NRXN1: variants seen among roughly 807,000 people sequenced by gnomAD.
NRXN1 encodes neurexin-1.
A neutral mutation model predicts 150.9 loss-of-function variants in NRXN1; 39 were observed. The ratio of observed to expected loss-of-function variants is 0.26; its 90% CI spans 0.20 to 0.34. NRXN1 has a LOEUF of 0.34. Among genes scored for constraint, NRXN1 ranks in the 10% least tolerant of loss-of-function variants. NRXN1 has a pLI of 1.00. For missense variants in NRXN1, 1,815 were observed against 1,949.9 expected, an observed-to-expected ratio of 0.93 and a Z score of 1.30; for synonymous variants, 924 against 757.0, an observed-to-expected ratio of 1.22 and a Z score of -3.62.
chr2:50,018,679 T>TA (rs1179404972), intron 21 of NRXN1, among the ~76,000 whole-genome samples: 2 of 152,234 alleles, frequency 1.3e-5, no homozygotes, highest in African/African-American at 4.8e-5. Context: ...ATAATGTTTT[T>TA]ATAGATCAAG....
intron 21 of NRXN1, among the ~76,000 whole-genome samples, chr2:49,965,762 G>C (rs1676866457): frequency 6.6e-6 from 1 of 152,152 alleles, no homozygotes; most frequent in Non-Finnish European, 1.5e-5. Context: ...TTCTGAGGCT[G>C]TGCTGTCAAT....
intron 6 of NRXN1, among the ~76,000 whole-genome samples, chr2:50,622,344 G>T (rs1680175404): frequency 6.6e-6 from 1 of 152,112 alleles, no homozygotes; most frequent in Non-Finnish European, 1.5e-5. Context: ...TGAAAGAGAG[G>T]GCTGTTTTGG....
intron 17 of NRXN1, among the ~76,000 whole-genome samples, chr2:50,363,552 C>T (rs1049852745): frequency 5.3e-5 from 8 of 152,168 alleles, no homozygotes; most frequent in African/African-American, 1.4e-4. Context: ...TACCATCTCA[C>T]GCCAGTTAGA....
intron 18 of NRXN1, among the ~76,000 whole-genome samples, chr2:50,170,969 T>C (rs10173709): frequency 0.07 from 10,725 of 152,246 alleles, 506 homozygotes; most frequent in Non-Finnish European, 0.1. Flanking sequence ...TTTTGTGTGT[T>C]ATATGTAGTA....
chr2:50,723,635 G>A (rs1302477188), intron 5 of NRXN1, among the ~76,000 whole-genome samples: 1 of 152,170 alleles, frequency 6.6e-6, no homozygotes, highest in Non-Finnish European at 1.5e-5. Flanking sequence ...AGAGGGCCTG[G>A]GGAAGAGGTG....
At position 49,921,827 on chromosome 2, in the gene NRXN1, T is replaced by A; in HGVS notation, c.*117A>T. The A allele has an allele frequency of 1.0e-6, 1 of 998,430 alleles. No individual in the cohort carries two copies. 61.8% of individuals were successfully genotyped at this position (998,430 alleles called of 1,614,324 possible). On this transcript the variant is annotated 3_prime_UTR_variant, in exon 23 of 23. Transcript: ENST00000401669. ...TTTTAAAAAGTCTTTCCTTCCTGAT[T>A]GCATTCCCTGTCTTCTTTTGTATGT...
Position 50,940,833 on chromosome 2 carries a change from A to C in NRXN1, c.773-14878T>G, listed in dbSNP as rs562787117. ...CAATTAACCAATAACCCCTGTCCCC[A>C]AAAGGGCATCTGAAACTATGTATAT... On this transcript the variant is annotated intron_variant, in intron 2 of 22. Coordinates refer to ENST00000401669, the MANE Select transcript of NRXN1 (RefSeq NM_001330078.2). Among the ~76,000 whole-genome samples the C allele has an allele frequency of 3.3e-5, 5 of 152,332 alleles. No homozygotes were observed. In the East Asian group the frequency reaches 7.7e-4, roughly 23 times the overall value.
rs561036712 is a variant in NRXN1 at position 50,769,204 on chromosome 2, A to C, written c.833-145589T>G. On this transcript the variant is annotated intron_variant, in intron 5 of 22. Transcript: ENST00000401669. ...CCTACCACTCAGATATCTATAGTTC[A>C]TACAGTACCAAAAACACCTCTTTCC... is the stretch of plus-strand genomic sequence containing the variant. 2.0e-5 allele frequency among the ~76,000 whole-genome samples: 3 copies of C among 152,150 alleles called. No homozygotes were observed. In the South Asian group the frequency reaches 6.2e-4, roughly 32 times the overall value.
At chr2:49,990,105 A>G (rs922629775) in intron 21 of NRXN1, among the ~76,000 whole-genome samples, 8 of 150,526 alleles carry the variant, frequency 5.3e-5, no homozygotes, top group African/African-American at 1.0e-4. Context: ...ATAAATTTAA[A>G]AAAAAAAAAA....
At chr2:50,965,567 C>T (rs1424769824) in intron 2 of NRXN1, among the ~76,000 whole-genome samples, 1 of 151,316 alleles carries the variant, frequency 6.6e-6, no homozygotes, top group Admixed American at 6.6e-5. Flanking sequence ...TATCTAATGG[C>T]CCAGCTTACA....
At chr2:50,314,368 C>T (rs1043813179) in intron 17 of NRXN1, among the ~76,000 whole-genome samples, 4 of 151,900 alleles carry the variant, frequency 2.6e-5, no homozygotes, top group African/African-American at 7.3e-5. Context: ...AACAAAACAC[C>T]TCTCTCTAAA....
chr2:50,249,061 G>A (rs2066787661), intron 17 of NRXN1, among the ~76,000 whole-genome samples: 1 of 149,680 alleles, frequency 6.7e-6, no homozygotes, highest in Non-Finnish European at 1.5e-5. Context: ...GGAGGCTGAA[G>A]TTGGAGGATC....
chr2:50,607,851 G>C (rs1361735957), intron 8 of NRXN1, among the ~76,000 whole-genome samples: 1 of 151,820 alleles, frequency 6.6e-6, no homozygotes, highest in South Asian at 2.1e-4. Flanking sequence ...AGAATCCAAA[G>C]CTTATTACTT....
intron 2 of NRXN1, among the ~76,000 whole-genome samples, chr2:50,994,516 G>A (rs966001398): frequency 3.9e-5 from 6 of 151,940 alleles, no homozygotes; most frequent in African/African-American, 1.4e-4. Flanking sequence ...GAATGTACAT[G>A]CCAAGGATCT....
Position 50,319,180 on chromosome 2 carries a change from T to C in NRXN1, c.3365-82210A>G, listed in dbSNP as rs942922580. On this transcript the variant is annotated intron_variant, in intron 17 of 22. Transcript: ENST00000401669. ...AGTGGAATAATAATGACTCTAGTTA[T>C]TCTGACTGAAAGTTGAAAATGTTTG... Among the ~76,000 whole-genome samples, 3 of 152,174 alleles carry C rather than the reference T, an allele frequency of 2.0e-5. No individual in the cohort carries two copies. The South Asian group carries it at 6.2e-4, about 32-fold the overall frequency.
At position 50,965,162 on chromosome 2, in the gene NRXN1, AT is replaced by A. The variant is rs1178254804; in HGVS notation, c.773-39208del. On this transcript the variant is annotated intron_variant, in intron 2 of 22. Transcript: ENST00000401669. ...CACAATTGATTATATATACACACAT[AT>A]GTATATAGATATACGATATATTGTG... Among the ~76,000 whole-genome samples the A allele has an allele frequency of 2.0e-5, 3 of 151,284 alleles. No homozygotes were observed. In the Admixed American group the frequency reaches 2.0e-4, roughly 10 times the overall value.
intron 5 of NRXN1, among the ~76,000 whole-genome samples, chr2:50,901,222 G>A (rs919865889): frequency 2.0e-5 from 3 of 152,078 alleles, no homozygotes; most frequent in Admixed American, 1.3e-4. Context: ...TGAACAGAAT[G>A]AATTAATATC....
At chr2:50,726,510 C>CT (rs1697381823) in intron 5 of NRXN1, among the ~76,000 whole-genome samples, 4 of 152,254 alleles carry the variant, frequency 2.6e-5, no homozygotes, top group Admixed American at 2.0e-4. Context: ...TTGCTATGTG[C>CT]TAAAAACTAT....
intron 2 of NRXN1, among the ~76,000 whole-genome samples, chr2:50,939,709 A>G (rs946561769): frequency 6.6e-6 from 1 of 152,216 alleles, no homozygotes; most frequent in African/African-American, 2.4e-5. Flanking sequence ...AAACTAAAAT[A>G]AAGCTCCCTC....
Sources: allele counts gnomAD v4.1 joint callset (sites outside exome capture counted in the v4.1 genomes callset), GRCh38; gene constraint gnomAD v4.1.1; transcripts MANE v1.5; gene names NCBI Gene and HGNC (gene_info 2026-07-23, HGNC 2026-07-21).